Variants in NEO1 observed in about 807,000 individuals in gnomAD.
The protein encoded by NEO1 is neogenin 1, also known as neogenin.
In NEO1, 63 loss-of-function variants were observed where a neutral mutation model predicts 159.7. The observed-to-expected ratio is 0.39, with a 90% CI of 0.32 to 0.49. NEO1 has a LOEUF of 0.49. Ranked by LOEUF, NEO1 falls within the 20% of genes least tolerant of loss-of-function variation. The pLI, the probability that NEO1 is intolerant of heterozygous loss-of-function variation, is 0.85. For synonymous variants in NEO1, 633 were observed against 662.0 expected, an observed-to-expected ratio of 0.96 and a Z score of 0.67; for missense variants, 1,615 against 1,831.0, an observed-to-expected ratio of 0.88 and a Z score of 2.15.
chr15:73,249,955 C>A (rs2039990568), intron 11 of NEO1, among the ~76,000 whole-genome samples: 1 of 152,154 alleles, frequency 6.6e-6, no homozygotes, highest in Non-Finnish European at 1.5e-5. Flanking sequence ...GCATAAAGTG[C>A]CTCTTACTGG....
Position 73,243,511 on chromosome 15 carries a change from A to G in NEO1, c.1452-833A>G, listed in dbSNP as rs1053564832. 5.9e-5 allele frequency among the ~76,000 whole-genome samples: 9 copies of G among 152,324 alleles called. No individual in the cohort carries two copies. In the South Asian group the frequency reaches 1.2e-3, roughly 21 times the overall value. On this transcript the variant is annotated intron_variant, in intron 8 of 28. Coordinates refer to ENST00000261908, the MANE Select transcript of NEO1 (RefSeq NM_002499.4). ...TTTGTCTAAAACAAATTCCTTCACAATATTTGTTGAAAACTCTTGATTATG... is the reference window on the plus strand; with the variant it reads ...TTTGTCTAAAACAAATTCCTTCACAGTATTTGTTGAAAACTCTTGATTATG...
At chr15:73,175,180 T>TA (rs933050884) in intron 5 of NEO1, among the ~76,000 whole-genome samples, 1 of 152,214 alleles carries the variant, frequency 6.6e-6, no homozygotes, top group African/African-American at 2.4e-5. Flanking sequence ...TCTATGTAGA[T>TA]AATCCCCAAA....
intron 5 of NEO1, among the ~76,000 whole-genome samples, chr15:73,151,655 A>T (rs2033380790): frequency 6.6e-6 from 1 of 152,190 alleles, no homozygotes; most frequent in South Asian, 2.1e-4. Flanking sequence ...TAAAACTATC[A>T]GATCTCGTGA....
intron 15 of NEO1, among the ~76,000 whole-genome samples, chr15:73,263,003 G>A (rs2040696089): frequency 6.6e-6 from 1 of 152,116 alleles, no homozygotes; most frequent in African/African-American, 2.4e-5. Flanking sequence ...AGCAAGATCA[G>A]TGGTTGCCTG....
chr15:73,247,985 T>G (rs1358193051), intron 9 of NEO1, among the ~76,000 whole-genome samples: 2 of 152,136 alleles, frequency 1.3e-5, no homozygotes, highest in African/African-American at 4.8e-5. Context: ...GAGCCCACGT[T>G]TTAGAATCAG....
At chr15:73,273,660 A>C in intron 19 of NEO1, 151 bp from the exon 20 acceptor site, 1 of 621,574 alleles carries the variant, frequency 1.6e-6, no homozygotes, top group Non-Finnish European at 2.6e-6. Flanking sequence ...GGTTTTCAAA[A>C]CTGAATTATT....
chr15:73,084,375 T>A (rs999225272), intron 1 of NEO1, among the ~76,000 whole-genome samples: 2 of 152,230 alleles, frequency 1.3e-5, no homozygotes, highest in African/African-American at 4.8e-5. Flanking sequence ...ATTTTTAGAT[T>A]ACACATTTAA....
chr15:73,072,545 C>G (rs941034458), intron 1 of NEO1, among the ~76,000 whole-genome samples: 2 of 152,148 alleles, frequency 1.3e-5, no homozygotes, highest in Admixed American at 1.3e-4. Context: ...ATGATTAAAA[C>G]TTACATCCTG....
intron 26 of NEO1, among the ~76,000 whole-genome samples, chr15:73,297,172 G>T (rs1318155828): frequency 6.6e-6 from 1 of 152,180 alleles, no homozygotes; most frequent in African/African-American, 2.4e-5. Context: ...TGCCCCACAG[G>T]GTGGGGGCAA....
At chr15:73,239,393 C>T (rs62015463) in intron 8 of NEO1, among the ~76,000 whole-genome samples, 2,423 of 152,134 alleles carry the variant, frequency 0.016, 39 homozygotes, top group Non-Finnish European at 0.024. Context: ...CATACAAACA[C>T]GTTTATTTAT....
At position 73,304,012 on chromosome 15, in the gene NEO1, A is replaced by G. The variant is rs2042706130; in HGVS notation, c.*1316A>G. 6.6e-6 allele frequency: 1 copy of G among 152,268 alleles called. No homozygotes were observed. The highest frequency in any genetic ancestry group is 2.4e-5 in the African/African-American group (1 of 41,454). 9.4% of individuals were successfully genotyped at this position (152,268 alleles called of 1,614,324 possible). A position where few individuals can be genotyped will look rare whatever the true frequency, so the allele number is the denominator to read the frequency against. ...CCCTTCAGAGAAAGCATTAGCAGGA[A>G]TGAGACAAGGCAGAGCTGCAGTGCC... is the stretch of plus-strand genomic sequence containing the variant. On this transcript the variant is annotated 3_prime_UTR_variant, in exon 29 of 29. Transcript: ENST00000261908.
intron 15 of NEO1, among the ~76,000 whole-genome samples, chr15:73,265,845 G>T (rs1312881301): frequency 6.6e-6 from 1 of 152,186 alleles, no homozygotes; most frequent in East Asian, 1.9e-4. Flanking sequence ...TTCTGGATTT[G>T]GAGGCCACTT....
intron 5 of NEO1, 38 bp from the exon 6 acceptor site, chr15:73,176,365 A>G (rs1254161780): frequency 1.4e-6 from 2 of 1,395,054 alleles, no homozygotes; most frequent in Admixed American, 2.3e-5. Context: ...GCCTAGTTCT[A>G]TTTTCATTAA....
Position 73,052,742 on chromosome 15 carries a change from C to T in NEO1, c.67C>T (p.Leu23=). 2 of 1,308,390 alleles carry T rather than the reference C, an allele frequency of 1.5e-6. No individual in the cohort carries two copies. The highest frequency in any genetic ancestry group is 2.0e-6 in the Non-Finnish European group (2 of 1,022,040). 81.0% of individuals were successfully genotyped at this position (1,308,390 alleles called of 1,614,324 possible). A position where few individuals can be genotyped will look rare whatever the true frequency, so the allele number is the denominator to read the frequency against. ...CTCCTTCTGGCTCTACTGCCTGCTGCTGCTCGGGCGCCGGGCGCCGGGCGC... is the reference window on the plus strand; with the variant it reads ...CTCCTTCTGGCTCTACTGCCTGCTGTTGCTCGGGCGCCGGGCGCCGGGCGC... ...TPSFWLYCLL[L]LGRRAPGAAA... is the part of the protein sequence containing the mutation. Residue 23 remains leucine (L), a synonymous_variant, in exon 1 of 29, where the codon CTG becomes TTG. Transcript: ENST00000261908.
chr15:73,055,270 G>A (rs755956105), intron 1 of NEO1, among the ~76,000 whole-genome samples: 1 of 152,206 alleles, frequency 6.6e-6, no homozygotes, highest in Non-Finnish European at 1.5e-5. Flanking sequence ...CGAGGACTCT[G>A]TAGCTTCTGC....
At chr15:73,255,249 G>A (rs1374944462) in intron 13 of NEO1, 1 of 155,450 alleles carries the variant, frequency 6.4e-6, no homozygotes, top group African/African-American at 2.4e-5. Context: ...AACAGTATTT[G>A]TGAATAGCTG....
At chr15:73,064,743 A>C (rs926223439) in intron 1 of NEO1, among the ~76,000 whole-genome samples, 4 of 152,202 alleles carry the variant, frequency 2.6e-5, no homozygotes, top group Non-Finnish European at 5.9e-5. Flanking sequence ...CTGGGATTAC[A>C]GATGTGAGCC....
Position 73,084,827 on chromosome 15 carries a change from G to T in NEO1, c.131-31713G>T, listed in dbSNP as rs931966231. Reference sequence around the variant, plus strand: ...ATGTGTGTGTGTTTAATGTGTGTGTGTGTTCAGTGGCCCCAGGTCTTCTAC... The same window carrying T: ...ATGTGTGTGTGTTTAATGTGTGTGTTTGTTCAGTGGCCCCAGGTCTTCTAC... On this transcript the variant is annotated intron_variant, in intron 1 of 28. Coordinates refer to ENST00000261908, the MANE Select transcript of NEO1 (RefSeq NM_002499.4). Among the ~76,000 whole-genome samples the T allele has an allele frequency of 2.6e-5, 4 of 152,064 alleles. No individual in the cohort carries two copies. The East Asian group carries it at 7.7e-4, about 29-fold the overall frequency.
At chr15:73,240,878 A>T (rs2150887114) in intron 8 of NEO1, among the ~76,000 whole-genome samples, 1 of 152,350 alleles carries the variant, frequency 6.6e-6, no homozygotes, top group African/African-American at 2.4e-5. Context: ...TTTAAGTCGT[A>T]AGACTATATC....
Sources: allele counts gnomAD v4.1 joint callset (sites outside exome capture counted in the v4.1 genomes callset), GRCh38; gene constraint gnomAD v4.1.1; transcripts MANE v1.5; gene names NCBI Gene and HGNC (gene_info 2026-07-23, HGNC 2026-07-21).